Variants in ACOX3 observed in about 807,000 individuals in gnomAD.
The protein encoded by ACOX3 is peroxisomal acyl-coenzyme A oxidase 3.
In ACOX3, 73 loss-of-function variants were observed where a neutral mutation model predicts 81.5. The observed-to-expected ratio is 0.90, with a 90% CI of 0.74 to 1.09. ACOX3 has a LOEUF of 1.09. ACOX3 is among the 50% of genes least tolerant of loss of function. The pLI is 0.00. For missense variants in ACOX3, 947 were observed against 928.0 expected (o/e 1.02, Z -0.27); for synonymous variants, 387 against 375.1 (o/e 1.03, Z -0.37).
In ACOX3 at chr4:8,370,995, C is replaced by G; in HGVS notation, c.1897-1G>C. 10 of 1,614,056 alleles carry G rather than the reference C, an allele frequency of 6.2e-6. No homozygotes were observed. The highest frequency in any genetic ancestry group is 8.5e-6 in the Non-Finnish European group (10 of 1,180,004). On this transcript the variant is annotated splice_acceptor_variant, in intron 16 of 17. Coordinates refer to ENST00000356406, the MANE Select transcript of ACOX3 (RefSeq NM_003501.3). LOFTEE classifies it high-confidence loss of function. This position sits in a 1 kb window ranked among gnomAD's most constrained non-coding sequence, Gnocchi z 6.3. ...CCAGGGCAACTGCATCGTCTTTCAG[C>G]TGTTGGAAAACAAAGCCCAGACACT...
intron 16 of ACOX3, among the ~76,000 whole-genome samples, chr4:8,372,886 C>A (rs934058824): frequency 6.6e-6 from 1 of 152,214 alleles, no homozygotes; most frequent in Non-Finnish European, 1.5e-5. Flanking sequence ...AGCACCAGCA[C>A]AAGTGGCTCC....
intron 1 of ACOX3, among the ~76,000 whole-genome samples, chr4:8,418,376 T>C (rs1722565333): frequency 6.6e-6 from 1 of 150,830 alleles, no homozygotes; most frequent in African/African-American, 2.4e-5. Flanking sequence ...GGAGAATCGC[T>C]TGAACCTGGG....
intron 11 of ACOX3, among the ~76,000 whole-genome samples, chr4:8,391,013 G>GTGTATATGTATGTGTATA (rs1718922410): frequency 7.7e-6 from 1 of 129,144 alleles, no homozygotes; most frequent in African/African-American, 2.8e-5. Context: ...GTATATGTAT[G>GTGTATATGTATGTGTATA]TGTATATGTA....
Position 8,381,700 on chromosome 4 carries a change from C to A in ACOX3, c.1538-93G>T. The A allele has an allele frequency of 1.1e-6, 1 of 908,816 alleles. No homozygotes were observed. Among genetic ancestry groups the A allele is most frequent in the Non-Finnish European group, 1.7e-6 (1 of 579,260 alleles). The allele number at this position is 908,816 out of a possible 1,614,324, so 56.3% of individuals were successfully genotyped here. A position where few individuals can be genotyped will look rare whatever the true frequency, so the allele number is the denominator to read the frequency against. On this transcript the variant is annotated intron_variant, in intron 13 of 17. Coordinates refer to ENST00000356406, the MANE Select transcript of ACOX3 (RefSeq NM_003501.3). This position sits in a 1 kb window ranked among gnomAD's most constrained non-coding sequence, Gnocchi z 4.3. The stretch of plus-strand genomic sequence containing the variant: ...CCAGGGACAAGGCACTGCCAGCATC[C>A]TGCAGGTACCAGGTTGTCTTCATTG...
chr4:8,375,605 C>T (rs924181825), intron 14 of ACOX3, among the ~76,000 whole-genome samples: 29 of 152,292 alleles, frequency 1.9e-4, no homozygotes, highest in Middle Eastern at 6.8e-3. Flanking sequence ...TCAGAATTGA[C>T]TTCACTTCTC....
chr4:8,435,482 C>T (rs559778801), intron 1 of ACOX3, among the ~76,000 whole-genome samples: 8 of 151,018 alleles, frequency 5.3e-5, no homozygotes, highest in South Asian at 2.1e-4. Flanking sequence ...GGCAACAGAG[C>T]GAGACTCCGT....
chr4:8,408,891 T>TGGCGGGGGG (rs1560193586), intron 6 of ACOX3, among the ~76,000 whole-genome samples: 1 of 25,790 alleles, frequency 3.9e-5, no homozygotes, highest in Non-Finnish European at 6.2e-5. Flanking sequence ...GAGCCCTCAC[T>TGGCGGGGGG]GGGGGGGGGG....
At chr4:8,362,596 A>C (rs1450678696), downstream of ACOX3, among the ~76,000 whole-genome samples, 1 of 152,240 alleles carries the variant, frequency 6.6e-6, no homozygotes, top group Non-Finnish European at 1.5e-5. Context: ...GCATTAAGGA[A>C]TCAAACTTGA....
At position 8,386,459 on chromosome 4, in the gene ACOX3, C is replaced by G. The variant is rs375900926; in HGVS notation, c.1537+2714G>C. On this transcript the variant is annotated intron_variant, in intron 13 of 17. Transcript: ENST00000356406. This position sits in a 1 kb window ranked among gnomAD's most constrained non-coding sequence, Gnocchi z 5.2. The stretch of plus-strand genomic sequence containing the variant: ...TGGGCTCCTGTAGTCCCAGCTACTC[C>G]GGAGGCTGAGGCAGGAGAATGGCGA... Among the ~76,000 whole-genome samples, 1 of 150,830 alleles carries G rather than the reference C, an allele frequency of 6.6e-6. No homozygotes were observed. The highest frequency in any genetic ancestry group is 2.1e-4 in the South Asian group (1 of 4,782).
chr4:8,389,709 A>ATC lies in ACOX3; in HGVS notation c.1324_1325dup (p.Asp442GlufsTer43). ...CGTATGTGCAGTTGGGATCGTTGTC[A>ATC]TCTCTAAGGACACCCAACCGGTTCA... On this transcript the variant is annotated frameshift_variant, in exon 12 of 18. Coordinates refer to ENST00000356406, the MANE Select transcript of ACOX3 (RefSeq NM_003501.3). LOFTEE classifies it high-confidence loss of function. The surrounding 1 kb of genome is among the most constrained non-coding windows in gnomAD (Gnocchi z 5.3). The ATC allele has an allele frequency of 6.2e-7, 1 of 1,614,054 alleles. No individual in the cohort carries two copies. The highest frequency in any genetic ancestry group is 8.5e-7 in the Non-Finnish European group (1 of 1,179,980).
In ACOX3 at chr4:8,385,225, G is replaced by A. The variant is rs908332700; in HGVS notation, c.1538-3618C>T. 2.6e-5 allele frequency among the ~76,000 whole-genome samples: 4 copies of A among 152,096 alleles called. No individual in the cohort carries two copies. Among genetic ancestry groups the A allele is most frequent in the Non-Finnish European group, 5.9e-5 (4 of 68,018 alleles). ...CACTGTCTGCACCACGAACCCCACT[G>A]CTCACCTCATATGACCCCACTGCCC... is the stretch of plus-strand genomic sequence containing the variant. On this transcript the variant is annotated intron_variant, in intron 13 of 17. Transcript: ENST00000356406. This position sits in a 1 kb window ranked among gnomAD's most constrained non-coding sequence, Gnocchi z 5.5.
chr4:8,383,228 AG>A (rs1717916732), intron 13 of ACOX3, among the ~76,000 whole-genome samples: 2 of 152,206 alleles, frequency 1.3e-5, no homozygotes, highest in Non-Finnish European at 2.9e-5. Flanking sequence ...GGGCACAGGC[AG>A]GGTTGGGCGG....
intron 14 of ACOX3, among the ~76,000 whole-genome samples, chr4:8,377,022 C>T (rs1415017088): frequency 1.3e-5 from 2 of 152,056 alleles, no homozygotes; most frequent in African/African-American, 4.8e-5. Context: ...CCTCCTTCCA[C>T]CTTCCATGAA....
chr4:8,396,584 C>T (rs1247623149), intron 9 of ACOX3, among the ~76,000 whole-genome samples: 1 of 149,520 alleles, frequency 6.7e-6, no homozygotes, highest in African/African-American at 2.5e-5. Flanking sequence ...GGCTGAGACA[C>T]GAGAATCACT....
At chr4:8,408,765 C>A (rs1721316983) in intron 6 of ACOX3, among the ~76,000 whole-genome samples, 2 of 152,132 alleles carry the variant, frequency 1.3e-5, no homozygotes, top group South Asian at 2.1e-4. Flanking sequence ...GGTTGCAGAC[C>A]CCTAAATAGC....
chr4:8,367,854 T>A (rs1715664442), intron 17 of ACOX3, among the ~76,000 whole-genome samples: 1 of 128,160 alleles, frequency 7.8e-6, no homozygotes, highest in South Asian at 2.7e-4. Flanking sequence ...TAACTGGGCA[T>A]GGAGGAGTTC....
At chr4:8,422,479 C>T (rs1483205545) in intron 1 of ACOX3, among the ~76,000 whole-genome samples, 1 of 152,166 alleles carries the variant, frequency 6.6e-6, no homozygotes, top group Non-Finnish European at 1.5e-5. Context: ...AACTTGGCAA[C>T]CTCGGTTTTT....
downstream of ACOX3, among the ~76,000 whole-genome samples, chr4:8,362,896 T>C (rs1367939621): frequency 6.6e-6 from 1 of 152,258 alleles, no homozygotes; most frequent in Non-Finnish European, 1.5e-5. Flanking sequence ...AAAATAATTA[T>C]TCTTGCTGTA....
In ACOX3 at chr4:8,385,486, A is replaced by G. The variant is rs1230555730; in HGVS notation, c.1537+3687T>C. Among the ~76,000 whole-genome samples, 1 of 152,218 alleles carries G rather than the reference A, an allele frequency of 6.6e-6. No homozygotes were observed. The highest frequency in any genetic ancestry group is 1.5e-5 in the Non-Finnish European group (1 of 68,044). ...ACGTGTCCGAGTAGTGAACACTGCA[A>G]CTGCTTACTATGAATGCATACGAGC... On this transcript the variant is annotated intron_variant, in intron 13 of 17. Coordinates refer to ENST00000356406, the MANE Select transcript of ACOX3 (RefSeq NM_003501.3). The surrounding 1 kb of genome is among the most constrained non-coding windows in gnomAD (Gnocchi z 5.5).
Sources: gnomAD v4.1 joint callset for allele counts (sites outside exome capture counted in the v4.1 genomes callset) on GRCh38, gnomAD v4.1.1 for gene constraint, Gnocchi (gnomAD v3.1) non-coding constraint, MANE v1.5 for transcripts, NCBI Gene and HGNC (gene_info 2026-07-23, HGNC 2026-07-21) for gene names.